Variants in NCALD observed in about 807,000 individuals in gnomAD.
NCALD encodes neurocalcin delta, also known as neurocalcin-delta.
A neutral mutation model predicts 18.6 loss-of-function variants in NCALD; 10 were observed. The observed-to-expected ratio is 0.54, with a 90% CI of 0.33 to 0.91. NCALD has a LOEUF of 0.91. Among genes scored for constraint, NCALD ranks in the 40% least tolerant of loss-of-function variants. NCALD has a pLI of 0.03. For synonymous variants in NCALD, 88 were observed against 87.4 expected (o/e 1.01, Z -0.04); for missense variants, 184 against 247.6 (o/e 0.74, Z 1.72).
At chr8:101,981,514 G>C (rs190036524) in intron 2 of NCALD, among the ~76,000 whole-genome samples, 4 of 152,308 alleles carry the variant, frequency 2.6e-5, no homozygotes, top group African/African-American at 4.8e-5. Context: ...CAGAAAACCA[G>C]CTGCTTATGA....
intron 2 of NCALD, among the ~76,000 whole-genome samples, chr8:101,711,770 G>A (rs766578602): frequency 1.1e-4 from 17 of 152,098 alleles, no homozygotes; most frequent in Admixed American, 4.6e-4. Flanking sequence ...ACGGGACTAT[G>A]TGAAAAGACC....
At position 101,773,316 on chromosome 8, in the gene NCALD, G is replaced by T. The variant is rs1012603622; in HGVS notation, c.-20+17546C>A. On this transcript the variant is annotated intron_variant, in intron 1 of 3. Coordinates refer to ENST00000220931, the MANE Select transcript of NCALD (RefSeq NM_032041.3). ...GTCAGTTCAGCGCACAATACCGTGG[G>T]TTTGTTCTTCTCTCCCTGTTCCTCT... 3.3e-5 allele frequency among the ~76,000 whole-genome samples: 5 copies of T among 152,152 alleles called. No homozygotes were observed. In the South Asian group the frequency reaches 1.0e-3, roughly 32 times the overall value.
chr8:101,849,690 T>C (rs1815013694), intron 4 of NCALD, among the ~76,000 whole-genome samples: 1 of 152,150 alleles, frequency 6.6e-6, no homozygotes, highest in Non-Finnish European at 1.5e-5. Context: ...CTTTCTAAAA[T>C]TAGCCAACTG....
At chr8:101,713,144 C>T (rs965042540) in intron 2 of NCALD, among the ~76,000 whole-genome samples, 2 of 152,116 alleles carry the variant, frequency 1.3e-5, no homozygotes, top group Admixed American at 6.6e-5. Flanking sequence ...TGCACAAGTA[C>T]GTGGAAACTG....
chr8:102,035,759 C>T (rs1404845933), intron 1 of NCALD, among the ~76,000 whole-genome samples: 1 of 152,104 alleles, frequency 6.6e-6, no homozygotes, highest in Admixed American at 6.6e-5. Context: ...TAAAAATTTT[C>T]ACCAAAATTT....
intron 2 of NCALD, among the ~76,000 whole-genome samples, chr8:102,001,236 C>G (rs561733837): frequency 6.6e-6 from 1 of 152,134 alleles, no homozygotes; most frequent in East Asian, 1.9e-4. Flanking sequence ...AACGCACAAG[C>G]CTCAGTAGCT....
chr8:102,038,394 T>C (rs1006081286), intron 1 of NCALD, among the ~76,000 whole-genome samples: 2 of 152,122 alleles, frequency 1.3e-5, no homozygotes, highest in African/African-American at 4.8e-5. Flanking sequence ...TATCACACAA[T>C]GCTCTGCATG....
chr8:101,773,822 G>A (rs112964822), intron 1 of NCALD, among the ~76,000 whole-genome samples: 2,112 of 152,206 alleles, frequency 0.014, 22 homozygotes, highest in Non-Finnish European at 0.023. Context: ...TGAAAAACAC[G>A]TGCTTTCTCA....
intron 1 of NCALD, among the ~76,000 whole-genome samples, chr8:102,083,698 A>C (rs915032829): frequency 2.0e-5 from 3 of 152,008 alleles, no homozygotes; most frequent in African/African-American, 7.2e-5. Context: ...TAATCCCCAC[A>C]TTTTTACATT....
chr8:101,867,642 T>A (rs964078224), intron 4 of NCALD, among the ~76,000 whole-genome samples: 1 of 152,206 alleles, frequency 6.6e-6, no homozygotes, highest in Non-Finnish European at 1.5e-5. Context: ...ATCCGTGAAA[T>A]TTATCATGGA....
chr8:101,905,893 T>C (rs1386894221), intron 3 of NCALD, among the ~76,000 whole-genome samples: 1 of 152,246 alleles, frequency 6.6e-6, no homozygotes, highest in African/African-American at 2.4e-5. Flanking sequence ...AGGAGATTCA[T>C]ACAGTTTCTG....
intron 3 of NCALD, chr8:101,691,814 G>A: frequency 1.0e-6 from 1 of 985,380 alleles, no homozygotes; most frequent in Non-Finnish European, 1.2e-6. Context: ...GCCTTCTGCT[G>A]TTCTATAGAT....
chr8:102,059,221 G>C (rs56167645), intron 1 of NCALD, among the ~76,000 whole-genome samples: 7,395 of 152,276 alleles, frequency 0.049, 242 homozygotes, highest in South Asian at 0.13. Flanking sequence ...CTGCTCCTCA[G>C]ATATCATCTT....
At chr8:101,870,710 AAAGATGGTCT>A (rs1433099119) in intron 4 of NCALD, among the ~76,000 whole-genome samples, 1 of 152,172 alleles carries the variant, frequency 6.6e-6, no homozygotes, top group African/African-American at 2.4e-5. Context: ...CTGAAAAGTG[AAAGATGGTCT>A]ATTTGTTTTG....
intron 3 of NCALD, among the ~76,000 whole-genome samples, chr8:101,891,755 C>T (rs71544719): frequency 4.6e-5 from 7 of 152,160 alleles, no homozygotes; most frequent in East Asian, 3.9e-4. Flanking sequence ...GGGTGATGGA[C>T]GTACCTGGAA....
intron 1 of NCALD, among the ~76,000 whole-genome samples, chr8:102,087,615 G>A (rs570369736): frequency 1.6e-4 from 24 of 152,264 alleles, no homozygotes; most frequent in African/African-American, 2.2e-4. Flanking sequence ...AGTTGCTTTC[G>A]ACCAAGACCG....
chr8:102,044,934 G>C (rs7816849), intron 1 of NCALD, among the ~76,000 whole-genome samples: 48,909 of 152,006 alleles, frequency 0.32, 8,209 homozygotes, highest in Non-Finnish European at 0.37. Flanking sequence ...TGCATTAGTA[G>C]GTGGGAAGTG....
chr8:102,092,454 T>C (rs1824956151), intron 1 of NCALD, among the ~76,000 whole-genome samples: 1 of 152,216 alleles, frequency 6.6e-6, no homozygotes, highest in South Asian at 2.1e-4. Flanking sequence ...GAACCCTCTC[T>C]TGGGGTCTGG....
chr8:101,947,293 G>A (rs977693762), intron 2 of NCALD, among the ~76,000 whole-genome samples: 5 of 152,170 alleles, frequency 3.3e-5, no homozygotes, highest in Admixed American at 6.5e-5. Context: ...CTTATTATGC[G>A]AGTGTTTTGA....
Sources: gnomAD v4.1 joint callset for allele counts (sites outside exome capture counted in the v4.1 genomes callset) on GRCh38, gnomAD v4.1.1 for gene constraint, MANE v1.5 for transcripts, NCBI Gene and HGNC (gene_info 2026-07-23, HGNC 2026-07-21) for gene names.